MCPH1: variants seen among roughly 807,000 people sequenced by gnomAD.
MCPH1 encodes the protein microcephalin 1, also known as microcephalin.
In MCPH1, 104 loss-of-function variants were observed where a neutral mutation model predicts 84.5. The ratio of observed to expected loss-of-function variants is 1.23; its 90% CI spans 1.05 to 1.45. The LOEUF (loss-of-function observed/expected upper bound fraction) is 1.45, where lower values mean the gene tolerates loss of function less well. Among genes scored for constraint, MCPH1 ranks in the 40% most tolerant of loss-of-function variants. MCPH1 has a pLI of 0.00. For synonymous variants in MCPH1, 514 were observed against 366.8 expected, an observed-to-expected ratio of 1.40 and a Z score of -4.58; for missense variants, 1,498 against 1,005.7, an observed-to-expected ratio of 1.49 and a Z score of -6.62.
intron 12 of MCPH1, among the ~76,000 whole-genome samples, chr8:6,530,666 A>T (rs752471363): frequency 9.9e-5 from 15 of 152,132 alleles, no homozygotes; most frequent in Non-Finnish European, 1.8e-4. Context: ...ATGATCCGTT[A>T]TGTAAAATAT....
intron 12 of MCPH1, among the ~76,000 whole-genome samples, chr8:6,576,907 C>T (rs1224445940): frequency 2.0e-5 from 3 of 151,710 alleles, no homozygotes; most frequent in Admixed American, 6.6e-5. Context: ...TCATCTCAGC[C>T]GCCCCTGCTC....
intron 4 of MCPH1, among the ~76,000 whole-genome samples, chr8:6,434,546 T>G (rs775704395): frequency 6.6e-6 from 1 of 152,234 alleles, no homozygotes; most frequent in African/African-American, 2.4e-5. Flanking sequence ...ATTTATTATG[T>G]TTATTTGCTG....
At chr8:6,607,839 T>C (rs1188605577) in intron 12 of MCPH1, among the ~76,000 whole-genome samples, 1 of 152,232 alleles carries the variant, frequency 6.6e-6, no homozygotes, top group Non-Finnish European at 1.5e-5. Flanking sequence ...ACCATTAAAC[T>C]TCTTTCTCTT....
rs538892866 is a variant in MCPH1 at position 6,566,999 on chromosome 8, C to T, written c.2215-54455C>T. Among the ~76,000 whole-genome samples, 8 of 139,178 alleles carry T rather than the reference C, an allele frequency of 5.7e-5. 1 individual carries two copies. The highest frequency in any genetic ancestry group is 2.2e-4 in the East Asian group (1 of 4,490). The allele number at this position is 139,178 out of a possible 152,430, so 91.3% of individuals were successfully genotyped here. A position where few individuals can be genotyped will look rare whatever the true frequency, so the allele number is the denominator to read the frequency against. ...ACGCGGTGCGGTGACGGTGTGTGATCGGCAAGGCCATAGATAGTGCACGCG... is the reference window on the plus strand; with the variant it reads ...ACGCGGTGCGGTGACGGTGTGTGATTGGCAAGGCCATAGATAGTGCACGCG... On this transcript the variant is annotated intron_variant, in intron 12 of 13. Coordinates refer to ENST00000344683, the MANE Select transcript of MCPH1 (RefSeq NM_024596.5).
chr8:6,555,465 CTTT>C (rs530250678), intron 12 of MCPH1, among the ~76,000 whole-genome samples: 5 of 142,618 alleles, frequency 3.5e-5, no homozygotes, highest in Admixed American at 2.1e-4. Flanking sequence ...GTGGTTTGCC[CTTT>C]TTTTTTTTTT....
intron 3 of MCPH1, among the ~76,000 whole-genome samples, chr8:6,423,753 A>G (rs1020231652): frequency 6.0e-4 from 92 of 152,186 alleles, no homozygotes; most frequent in African/African-American, 2.2e-3. Flanking sequence ...TTTAAATATG[A>G]TAGATGCTGC....
chr8:6,539,020 G>T (rs1821015018), intron 12 of MCPH1, among the ~76,000 whole-genome samples: 1 of 116,278 alleles, frequency 8.6e-6, no homozygotes, highest in South Asian at 3.3e-4. Flanking sequence ...CCTCCTTTTA[G>T]AGTTGGGCTT....
rs1798120208 is a variant in MCPH1, at chr8:6,408,846, G to A, written c.23-433G>A. On this transcript the variant is annotated intron_variant, in intron 1 of 13. Transcript: ENST00000344683. ...CCAGAGTGCTGCAATTACAGCATGA[G>A]CCACCACACCTGGCCAGTAGAGTAA... Among the ~76,000 whole-genome samples the A allele has an allele frequency of 3.3e-5, 5 of 151,826 alleles. No individual in the cohort carries two copies. In the South Asian group the frequency reaches 8.3e-4, roughly 25 times the overall value.
chr8:6,485,736 A>G (rs1394450878), intron 11 of MCPH1, among the ~76,000 whole-genome samples: 1 of 152,152 alleles, frequency 6.6e-6, no homozygotes, highest in Non-Finnish European at 1.5e-5. Flanking sequence ...TTCAGGTGAA[A>G]TATCTGTTTG....
chr8:6,526,304 C>T (rs1818328039), intron 12 of MCPH1, among the ~76,000 whole-genome samples: 1 of 137,842 alleles, frequency 7.3e-6, no homozygotes, highest in Non-Finnish European at 1.5e-5. Flanking sequence ...GTGTGTGACA[C>T]ATGCCTGTAG....
rs776125109 is a variant in MCPH1, at chr8:6,439,077, G to A, written c.561G>A (p.Arg187=). 5.6e-6 allele frequency: 9 copies of A among 1,613,182 alleles called. No individual in the cohort carries two copies. The highest frequency in any genetic ancestry group is 3.3e-5 in the Admixed American group (2 of 59,978). Residue 187 remains arginine, a synonymous_variant, in exon 6 of 14, where the codon AGG becomes AGA. Coordinates refer to ENST00000344683, the MANE Select transcript of MCPH1 (RefSeq NM_024596.5). ...EKRLQEMKEK[R]ENLSPTSSQM... is the part of the protein sequence containing the mutation. Reference sequence around the variant, plus strand: ...GATTACAAGAGATGAAGGAGAAAAGGGAAAATCTTTCCCCCACCTGTAAGT... The same window carrying A: ...GATTACAAGAGATGAAGGAGAAAAGAGAAAATCTTTCCCCCACCTGTAAGT...
In MCPH1 at chr8:6,545,275, G is replaced by A. The variant is rs1486629584; in HGVS notation, c.2214+45346G>A. 2.0e-5 allele frequency among the ~76,000 whole-genome samples: 3 copies of A among 152,192 alleles called. No homozygotes were observed. The East Asian group carries it at 5.8e-4, about 29-fold the overall frequency. On this transcript the variant is annotated intron_variant, in intron 12 of 13. Coordinates refer to ENST00000344683, the MANE Select transcript of MCPH1 (RefSeq NM_024596.5). ...CTTGACCTCGGTGCTGGTTACATGAGTGAATCCATATTTTTAAAAGTTATC... is the reference window on the plus strand; with the variant it reads ...CTTGACCTCGGTGCTGGTTACATGAATGAATCCATATTTTTAAAAGTTATC...
chr8:6,513,622 C>A (rs539251224), intron 12 of MCPH1: 30 of 1,520,924 alleles, frequency 2.0e-5, no homozygotes, highest in Non-Finnish European at 2.6e-5. Context: ...CGTGAGCCAC[C>A]GTGCCCGGCC....
At chr8:6,447,559 GT>G in intron 8 of MCPH1, 23 of 464,098 alleles carry the variant, frequency 5.0e-5, no homozygotes, top group Non-Finnish European at 6.2e-5. Context: ...TTGTTTTTTA[GT>G]TTTTTTTGAG....
intron 12 of MCPH1, among the ~76,000 whole-genome samples, chr8:6,566,312 G>A (rs527254504): frequency 8.5e-5 from 13 of 152,288 alleles, no homozygotes; most frequent in African/African-American, 1.9e-4. Flanking sequence ...GGGCAAGGCC[G>A]TCCACAGTGC....
chr8:6,410,089 C>T (rs183678412), intron 2 of MCPH1, among the ~76,000 whole-genome samples: 1 of 152,034 alleles, frequency 6.6e-6, no homozygotes, highest in South Asian at 2.1e-4. Flanking sequence ...CCTGCCTCAG[C>T]CTTCCAAGTA....
chr8:6,629,574 T>A (rs1214199228), intron 13 of MCPH1, among the ~76,000 whole-genome samples: 2 of 152,160 alleles, frequency 1.3e-5, no homozygotes, highest in Non-Finnish European at 2.9e-5. Context: ...ACCCGAGCAG[T>A]CTCCCAGGAA....
chr8:6,640,741 G>A (rs559576755), intron 13 of MCPH1, among the ~76,000 whole-genome samples: 6 of 152,088 alleles, frequency 3.9e-5, no homozygotes, highest in Non-Finnish European at 7.4e-5. Flanking sequence ...GTTTTGCTTA[G>A]AAAGGCCTTC....
chr8:6,522,726 A>T (rs1236790408), intron 12 of MCPH1, among the ~76,000 whole-genome samples: 1 of 151,554 alleles, frequency 6.6e-6, no homozygotes, highest in Admixed American at 6.6e-5. Flanking sequence ...GTGAGCTGAG[A>T]TTATGCCATT....
Sources: gnomAD v4.1 joint callset for allele counts (sites outside exome capture counted in the v4.1 genomes callset) on GRCh38, gnomAD v4.1.1 for gene constraint, MANE v1.5 for transcripts, NCBI Gene and HGNC (gene_info 2026-07-23, HGNC 2026-07-21) for gene names.